The following WNT3 variants were observed in gnomAD, a reference collection of about 807,000 sequenced individuals.
WNT3 encodes the protein Wnt family member 3, also known as proto-oncogene Wnt-3.
Under a neutral mutation model 34.2 loss-of-function variants are expected in WNT3, and 7 were observed. The ratio of observed to expected loss-of-function variants is 0.20; its 90% CI spans 0.12 to 0.38. The LOEUF is 0.38. WNT3 is among the 10% of genes least tolerant of loss of function. The pLI is 1.00. For synonymous variants in WNT3, 212 were observed against 211.5 expected, an observed-to-expected ratio of 1.00 and a Z score of -0.02; for missense variants, 267 against 499.8, an observed-to-expected ratio of 0.53 and a Z score of 4.44.
intron 1 of WNT3, among the ~76,000 whole-genome samples, chr17:46,803,264 C>T (rs1362994080): frequency 2.0e-5 from 3 of 152,144 alleles, no homozygotes; most frequent in South Asian, 2.1e-4. Context: ...CCAGGCGTAG[C>T]GGCTCACACC....
chr17:46,816,149 GCACA>G (rs900652986), intron 1 of WNT3, among the ~76,000 whole-genome samples: 25 of 131,188 alleles, frequency 1.9e-4, no homozygotes, highest in Non-Finnish European at 3.0e-4. Context: ...ACGCACGCAC[GCACA>G]CACACACTCA....
chr17:46,811,241 C>T (rs776667470), intron 1 of WNT3, among the ~76,000 whole-genome samples: 1 of 101,170 alleles, frequency 9.9e-6, no homozygotes, highest in East Asian at 1.9e-4. Context: ...GGGAACTAAG[C>T]GGCCTTAGGT....
In WNT3 at chr17:46,779,761, T is replaced by A. The variant is rs1261110730; in HGVS notation, c.81-5852A>T. On this transcript the variant is annotated intron_variant, in intron 1 of 4. Transcript: ENST00000225512. ...TGGTGAGCACAAGGCAGAGAGGACCTTTTTTTTTCTTTTTTTGAGACAGAA... is the reference window on the plus strand; with the variant it reads ...TGGTGAGCACAAGGCAGAGAGGACCATTTTTTTTCTTTTTTTGAGACAGAA... 4.2e-3 allele frequency among the ~76,000 whole-genome samples: 19 copies of A among 4,500 alleles called. 1 individual carries two copies. The highest frequency in any genetic ancestry group is 0.035 in the Admixed American group (19 of 538). The allele number at this position is 4,500 out of a possible 152,430, so 3.0% of individuals were successfully genotyped here. A position where few individuals can be genotyped will look rare whatever the true frequency, so the allele number is the denominator to read the frequency against.
intron 1 of WNT3, among the ~76,000 whole-genome samples, chr17:46,780,807 A>G (rs2059454387): frequency 6.6e-6 from 1 of 152,086 alleles, no homozygotes. Flanking sequence ...GGGGACTCCA[A>G]CAGACACCTG....
At chr17:46,803,520 CTA>C (rs1184550865) in intron 1 of WNT3, among the ~76,000 whole-genome samples, 3 of 152,118 alleles carry the variant, frequency 2.0e-5, no homozygotes, top group Non-Finnish European at 4.4e-5. Flanking sequence ...CAGTGCAAGA[CTA>C]TGTCTCAAGA....
At chr17:46,782,389 C>G (rs888006282) in intron 1 of WNT3, among the ~76,000 whole-genome samples, 1 of 152,148 alleles carries the variant, frequency 6.6e-6, no homozygotes, top group African/African-American at 2.4e-5. Flanking sequence ...CTGTCAACCC[C>G]ACAACAGGCC....
intron 1 of WNT3, 42 bp downstream of exon 1, chr17:46,818,476 G>A: frequency 6.4e-7 from 1 of 1,570,466 alleles, no homozygotes; most frequent in Non-Finnish European, 8.6e-7. Context: ...CCCGGACGCG[G>A]CGGAGAAACC....
At chr17:46,771,684 C>A (rs1428337640) in intron 2 of WNT3, among the ~76,000 whole-genome samples, 3 of 143,468 alleles carry the variant, frequency 2.1e-5, no homozygotes, top group Non-Finnish European at 4.6e-5. Flanking sequence ...TAGCAACGGG[C>A]GGCTCCCGCG....
Position 46,763,889 on chromosome 17 carries a change from G to A in WNT3, c.*741C>T, listed in dbSNP as rs2059291533. On this transcript the variant is annotated 3_prime_UTR_variant, in exon 5 of 5. Transcript: ENST00000225512. ...AACTGCATTGACGGTGGAAACTGCA[G>A]AATGGTAGAAAAAGATTTTGAGATC... 1 of 149,302 alleles carries A rather than the reference G, an allele frequency of 6.7e-6. No individual in the cohort carries two copies. The highest frequency in any genetic ancestry group is 2.1e-4 in the South Asian group (1 of 4,702). The allele number at this position is 149,302 out of a possible 1,614,324, so 9.2% of individuals were successfully genotyped here.
intron 1 of WNT3, among the ~76,000 whole-genome samples, chr17:46,781,639 G>T (rs1401667494): frequency 6.6e-6 from 1 of 152,180 alleles, no homozygotes; most frequent in African/African-American, 2.4e-5. Flanking sequence ...AGTTTGGGAT[G>T]ATGAAAACAG....
chr17:46,818,048 T>C lies in WNT3; in HGVS notation c.80+470A>G, dbSNP rs73987055. On this transcript the variant is annotated intron_variant, in intron 1 of 4. Transcript: ENST00000225512. The stretch of plus-strand genomic sequence containing the variant: ...CTGAAATAGGAAGGCAAAGGGGGGT[T>C]ATTATGGGGAATCTCTTGATGGAGG... Among the ~76,000 whole-genome samples, 839 of 151,842 alleles carry C rather than the reference T, an allele frequency of 5.5e-3. 8 individuals are homozygous for C. Among genetic ancestry groups the C allele is most frequent in the African/African-American group, 0.018 (756 of 41,396 alleles).
At chr17:46,810,095 C>G (rs1243547155) in intron 1 of WNT3, among the ~76,000 whole-genome samples, 6 of 151,514 alleles carry the variant, frequency 4.0e-5, no homozygotes, top group Admixed American at 3.9e-4. Context: ...CAACCTCCGC[C>G]TCCCAGGTTC....
chr17:46,816,087 T>C (rs2084338141), intron 1 of WNT3, among the ~76,000 whole-genome samples: 1 of 141,202 alleles, frequency 7.1e-6, no homozygotes, highest in Non-Finnish European at 1.6e-5. Context: ...TTCCCCACAC[T>C]GTCATGAAGG....
At chr17:46,792,700 C>G (rs2084002126) in intron 1 of WNT3, among the ~76,000 whole-genome samples, 1 of 152,164 alleles carries the variant, frequency 6.6e-6, no homozygotes, top group Non-Finnish European at 1.5e-5. Flanking sequence ...CCTCGAACTA[C>G]TGACCACGTG....
chr17:46,773,622 C>CG, intron 2 of WNT3, 46 bp downstream of exon 2: 6 of 506,094 alleles, frequency 1.2e-5, no homozygotes, highest in Non-Finnish European at 2.2e-5. Context: ...GTCCTGATCC[C>CG]TCCCCCCACC....
chr17:46,767,505 G>T (rs879355610), intron 4 of WNT3, among the ~76,000 whole-genome samples: 2 of 152,212 alleles, frequency 1.3e-5, no homozygotes, highest in South Asian at 4.1e-4. Flanking sequence ...ATTTTGGCTC[G>T]CTGCTTGAGG....
At chr17:46,771,716 C>A (rs1248571094) in intron 2 of WNT3, among the ~76,000 whole-genome samples, 8 of 142,228 alleles carry the variant, frequency 5.6e-5, no homozygotes, top group Non-Finnish European at 1.1e-4. Context: ...CCCCCGGCCC[C>A]GGCGCCGGGC....
At chr17:46,794,088 G>A (rs2146429619) in intron 1 of WNT3, among the ~76,000 whole-genome samples, 1 of 152,286 alleles carries the variant, frequency 6.6e-6, no homozygotes, top group Non-Finnish European at 1.5e-5. Flanking sequence ...AGGTTAGCAA[G>A]GGGACAGCCA....
rs1555683577 is a variant in WNT3 at position 46,779,052 on chromosome 17, A to ATCAC, written c.81-5147_81-5144dup. The stretch of plus-strand genomic sequence containing the variant: ...CCAGTTATTCCCCGGTCCCTACCCC[A>ATCAC]TCACACACACACACACACACACACA... On this transcript the variant is annotated intron_variant, in intron 1 of 4. Transcript: ENST00000225512. Among the ~76,000 whole-genome samples the ATCAC allele has an allele frequency of 2.4e-3, 54 of 22,704 alleles. 2 individuals carry two copies. Among genetic ancestry groups the ATCAC allele is most frequent in the Admixed American group, 0.015 (35 of 2,380 alleles). 14.9% of individuals were successfully genotyped at this position (22,704 alleles called of 152,430 possible).
Sources: allele counts gnomAD v4.1 joint callset (sites outside exome capture counted in the v4.1 genomes callset), GRCh38; gene constraint gnomAD v4.1.1; transcripts MANE v1.5; gene names NCBI Gene and HGNC (gene_info 2026-07-23, HGNC 2026-07-21).